VPS54: variants seen among roughly 807,000 people sequenced by gnomAD.
VPS54 encodes vacuolar protein sorting-associated protein 54.
In VPS54, 45 loss-of-function variants were observed where a neutral mutation model predicts 121.5. The observed-to-expected ratio is 0.37, with a 90% CI of 0.29 to 0.47. VPS54 has a LOEUF of 0.47. Ranked by LOEUF, VPS54 falls within the 20% of genes least tolerant of loss-of-function variation. VPS54 has a pLI of 0.99. For synonymous variants in VPS54, 371 were observed against 385.8 expected (o/e 0.96, Z 0.45); for missense variants, 1,090 against 1,131.4 (o/e 0.96, Z 0.52).
intron 1 of VPS54, among the ~76,000 whole-genome samples, chr2:64,008,013 GAA>G (rs200093482): frequency 1.5e-5 from 2 of 137,270 alleles, no homozygotes; most frequent in Non-Finnish European, 1.6e-5. Context: ...GTGGTAAAAG[GAA>G]AAAAAAAAAA....
intron 1 of VPS54, among the ~76,000 whole-genome samples, chr2:63,986,393 T>G (rs1416421271): frequency 6.6e-6 from 1 of 152,182 alleles, no homozygotes; most frequent in Non-Finnish European, 1.5e-5. Flanking sequence ...GTGCCTGGCT[T>G]ACATAGTGAC....
chr2:63,982,061 A>C (rs1676824809), intron 2 of VPS54, among the ~76,000 whole-genome samples, 174 bp from the exon 3 acceptor site: 1 of 152,212 alleles, frequency 6.6e-6, no homozygotes. Flanking sequence ...AGCTGGCAGC[A>C]TCAATTACTA....
At chr2:64,001,869 G>T (rs1193254536) in intron 1 of VPS54, among the ~76,000 whole-genome samples, 3 of 152,076 alleles carry the variant, frequency 2.0e-5, no homozygotes, top group African/African-American at 7.2e-5. Flanking sequence ...TGTTCCAATT[G>T]ATGTCTTAGT....
chr2:63,900,752 GT>G lies in VPS54; in HGVS notation c.2626-1172del, dbSNP rs70965150. On this transcript the variant is annotated intron_variant, in intron 20 of 22. Coordinates refer to ENST00000272322, the MANE Select transcript of VPS54 (RefSeq NM_016516.3). ...GACAGGCCATATCATCTCAAATCTG[GT>G]TTTTTTTGTTTGTTTTTTTTGATTT... Among the ~76,000 whole-genome samples the G allele has an allele frequency of 2.0e-5, 3 of 151,370 alleles. No individual in the cohort carries two copies. In the East Asian group the frequency reaches 5.8e-4, roughly 29 times the overall value.
intron 20 of VPS54, among the ~76,000 whole-genome samples, chr2:63,909,161 CTT>C (rs951640189): frequency 6.6e-6 from 1 of 152,198 alleles, no homozygotes; most frequent in African/African-American, 2.4e-5. Flanking sequence ...ATTTGTAACA[CTT>C]TACATATATC....
intron 11 of VPS54, among the ~76,000 whole-genome samples, chr2:63,939,849 C>T (rs1395646467): frequency 6.6e-6 from 1 of 152,056 alleles, no homozygotes; most frequent in Non-Finnish European, 1.5e-5. Flanking sequence ...CAACCTCCAC[C>T]TCCCGGGTTC....
intron 3 of VPS54, 100 bp from the exon 4 acceptor site, chr2:63,972,344 T>C: frequency 1.3e-6 from 1 of 769,818 alleles, no homozygotes; most frequent in Non-Finnish European, 2.0e-6. Context: ...GCCAAATTAG[T>C]CCTACGACTT....
chr2:63,966,070 T>A, intron 5 of VPS54, 104 bp from the exon 6 acceptor site: 1 of 1,164,242 alleles, frequency 8.6e-7, no homozygotes, highest in Non-Finnish European at 1.2e-6. Context: ...GGATCTTGAG[T>A]ATGAATAGCA....
intron 20 of VPS54, 107 bp from the exon 21 acceptor site, chr2:63,899,688 G>A (rs1672594871): frequency 4.6e-6 from 4 of 870,572 alleles, no homozygotes; most frequent in Non-Finnish European, 7.2e-6. Flanking sequence ...ATCCAATTCT[G>A]GCATAGTACT....
At position 63,927,199 on chromosome 2, in the gene VPS54, C is replaced by G. The variant is rs189675422; in HGVS notation, c.1740-5864G>C. ...CGAGCTCTGATAACGGACAGACTGC[C>G]TCCTCAAGTGGATCCCTGACCCCCG... On this transcript the variant is annotated intron_variant, in intron 12 of 22. Transcript: ENST00000272322. Among the ~76,000 whole-genome samples the G allele has an allele frequency of 2.4e-3, 367 of 152,330 alleles. 4 individuals are homozygous for G. Among genetic ancestry groups the G allele is most frequent in the Non-Finnish European group, 6.2e-4 (42 of 68,022 alleles).
chr2:63,935,312 G>A (rs574554136), intron 11 of VPS54, among the ~76,000 whole-genome samples: 3 of 152,100 alleles, frequency 2.0e-5, no homozygotes, highest in South Asian at 2.1e-4. Flanking sequence ...ACAGTATACC[G>A]AAGATAGAGC....
chr2:63,932,915 A>G (rs893284595), intron 12 of VPS54, among the ~76,000 whole-genome samples: 1 of 152,134 alleles, frequency 6.6e-6, no homozygotes, highest in Non-Finnish European at 1.5e-5. Context: ...TACTAAGGTT[A>G]TATAGGAGTG....
chr2:63,957,588 T>C (rs1369938650), intron 7 of VPS54, among the ~76,000 whole-genome samples: 1 of 152,042 alleles, frequency 6.6e-6, no homozygotes, highest in African/African-American at 2.4e-5. Flanking sequence ...AGTTATGCAA[T>C]GAGTCAAAAT....
intron 17 of VPS54, among the ~76,000 whole-genome samples, chr2:63,913,560 T>C (rs2104435117): frequency 6.6e-6 from 1 of 152,324 alleles, no homozygotes; most frequent in Admixed American, 6.5e-5. Context: ...AATTAATCTT[T>C]AATTTGCATG....
At chr2:63,905,141 G>C (rs1202472081) in intron 20 of VPS54, among the ~76,000 whole-genome samples, 2 of 152,060 alleles carry the variant, frequency 1.3e-5, no homozygotes, top group Non-Finnish European at 2.9e-5. Flanking sequence ...TCTACCTTGA[G>C]AAATTAGAAA....
chr2:63,923,402 A>C (rs1673740964), intron 12 of VPS54, among the ~76,000 whole-genome samples: 1 of 152,220 alleles, frequency 6.6e-6, no homozygotes, highest in African/African-American at 2.4e-5. Context: ...AACATAATCC[A>C]GCAATTCTAC....
chr2:63,949,224 A>G lies in VPS54; in HGVS notation c.1011-61T>C. The G allele has an allele frequency of 2.0e-6, 3 of 1,529,254 alleles. No individual in the cohort carries two copies. In the South Asian group the frequency reaches 3.8e-5, roughly 19 times the overall value. 94.7% of individuals were successfully genotyped at this position (1,529,254 alleles called of 1,614,324 possible). ...ACTAAAAACTACAAATTCGCTCCAC[A>G]ATCAAGGGAACTAGTAGGTAAAACT... On this transcript the variant is annotated intron_variant, in intron 7 of 22. Coordinates refer to ENST00000272322, the MANE Select transcript of VPS54 (RefSeq NM_016516.3).
intron 17 of VPS54, chr2:63,913,809 A>T (rs1673257657): frequency 2.9e-6 from 3 of 1,027,990 alleles, no homozygotes; most frequent in African/African-American, 3.4e-5. Flanking sequence ...AGAATGATGC[A>T]AGAAAAATCT....
At chr2:63,922,857 T>G (rs185990359) in intron 12 of VPS54, among the ~76,000 whole-genome samples, 1 of 152,170 alleles carries the variant, frequency 6.6e-6, no homozygotes, top group East Asian at 1.9e-4. Flanking sequence ...ATTAAGGAAT[T>G]TGAAACTCTT....
Sources: allele counts gnomAD v4.1 joint callset (sites outside exome capture counted in the v4.1 genomes callset), GRCh38; gene constraint gnomAD v4.1.1; transcripts MANE v1.5; gene names NCBI Gene and HGNC (gene_info 2026-07-23, HGNC 2026-07-21).